The following RAB27B variants were observed in gnomAD, a reference collection of about 807,000 sequenced individuals.
RAB27B encodes RAB27B, member RAS oncogene family.
RAB27B carries 15 observed loss-of-function variants against 24.6 expected under a neutral mutation model. The observed-to-expected ratio is 0.61, with a 90% CI of 0.41 to 0.94. RAB27B has a LOEUF of 0.94. Ranked by LOEUF, RAB27B falls within the 40% of genes least tolerant of loss-of-function variation. The probability of loss-of-function intolerance (pLI) is 0.00; values close to 1 mark genes in which losing one functional copy is unlikely to be tolerated. For synonymous variants in RAB27B, 105 were observed against 92.5 expected (o/e 1.14, Z -0.78); for missense variants, 261 against 266.8 (o/e 0.98, Z 0.15).
intron 1 of RAB27B, among the ~76,000 whole-genome samples, chr18:54,846,684 T>C (rs1911352975): frequency 6.6e-6 from 1 of 152,230 alleles, no homozygotes; most frequent in Non-Finnish European, 1.5e-5. Context: ...ATCATAAGCT[T>C]TTCTTATAAG....
chr18:54,888,926 G>T (rs1913253076), intron 5 of RAB27B, among the ~76,000 whole-genome samples: 2 of 152,016 alleles, frequency 1.3e-5, no homozygotes, highest in East Asian at 1.9e-4. Context: ...TGATCAGAGG[G>T]TATTTTTCCC....
At chr18:54,747,514 G>A (rs1039657402) in intron 2 of RAB27B, among the ~76,000 whole-genome samples, 1 of 152,154 alleles carries the variant, frequency 6.6e-6, no homozygotes, top group African/African-American at 2.4e-5. Context: ...GGCTGATGAT[G>A]CTTAATGAAT....
chr18:54,732,040 T>C (rs1909747726), intron 2 of RAB27B, among the ~76,000 whole-genome samples: 1 of 152,210 alleles, frequency 6.6e-6, no homozygotes, highest in African/African-American at 2.4e-5. Flanking sequence ...TGGGAAGACA[T>C]ACTGAGTATT....
intron 2 of RAB27B, among the ~76,000 whole-genome samples, chr18:54,737,734 T>A (rs9956374): frequency 6.6e-6 from 1 of 152,148 alleles, no homozygotes; most frequent in Non-Finnish European, 1.5e-5. Context: ...TAAATGACTT[T>A]TTCTCTTAAA....
chr18:54,751,824 T>C (rs192942116), intron 2 of RAB27B, among the ~76,000 whole-genome samples: 1 of 152,086 alleles, frequency 6.6e-6, no homozygotes, highest in South Asian at 2.1e-4. Context: ...GGGAAAGCAG[T>C]TGAGGAGATG....
intron 1 of RAB27B, among the ~76,000 whole-genome samples, chr18:54,852,939 A>G (rs1404421371): frequency 6.6e-6 from 1 of 152,166 alleles, no homozygotes; most frequent in Non-Finnish European, 1.5e-5. Flanking sequence ...AAACCATTCT[A>G]GTTTCTGCAG....
chr18:54,820,018 A>G (rs1363821914), intron 2 of RAB27B, among the ~76,000 whole-genome samples: 1 of 152,060 alleles, frequency 6.6e-6, no homozygotes, highest in Non-Finnish European at 1.5e-5. Context: ...CCAGTCTATC[A>G]TTGTTGGACA....
chr18:54,841,304 A>T (rs951836280), intron 1 of RAB27B, among the ~76,000 whole-genome samples: 8 of 152,134 alleles, frequency 5.3e-5, no homozygotes, highest in African/African-American at 1.9e-4. Context: ...ATATGTACAG[A>T]CTTTTTGCTT....
intron 1 of RAB27B, among the ~76,000 whole-genome samples, chr18:54,866,293 G>GC (rs1415927233): frequency 1.4e-5 from 2 of 146,024 alleles, no homozygotes. Context: ...CCCCGCCCCT[G>GC]CCCCCCGCGC....
intron 2 of RAB27B, among the ~76,000 whole-genome samples, chr18:54,750,043 A>G (rs1907782306): frequency 6.6e-6 from 1 of 152,208 alleles, no homozygotes. Flanking sequence ...AATTTCAACA[A>G]TTCTGTACTT....
intron 1 of RAB27B, among the ~76,000 whole-genome samples, chr18:54,835,657 C>G (rs543523951): frequency 2.6e-5 from 4 of 152,000 alleles, no homozygotes; most frequent in Non-Finnish European, 5.9e-5. Flanking sequence ...AATAGGCCAT[C>G]ATGTTTGAAA....
At chr18:54,856,367 G>T (rs930876342) in intron 1 of RAB27B, among the ~76,000 whole-genome samples, 4 of 152,238 alleles carry the variant, frequency 2.6e-5, no homozygotes, top group African/African-American at 9.6e-5. Flanking sequence ...GAACTAGCCA[G>T]AGCCAGATCA....
At chr18:54,835,175 A>T (rs974139156) in intron 1 of RAB27B, among the ~76,000 whole-genome samples, 3 of 151,954 alleles carry the variant, frequency 2.0e-5, no homozygotes, top group African/African-American at 7.3e-5. Flanking sequence ...TAGATTTTTC[A>T]GAGGGAAAGA....
At chr18:54,733,656 C>CAA (rs1441455758) in intron 2 of RAB27B, among the ~76,000 whole-genome samples, 1 of 134,040 alleles carries the variant, frequency 7.5e-6, no homozygotes, top group Non-Finnish European at 1.7e-5. Context: ...TAGAGCCCCC[C>CAA]CCCCCCAAAT....
chr18:54,813,581 C>T (rs1057035411), intron 2 of RAB27B, among the ~76,000 whole-genome samples: 1 of 152,190 alleles, frequency 6.6e-6, no homozygotes, highest in African/African-American at 2.4e-5. Context: ...GGCTCCTGCT[C>T]TGCCTTCTGC....
At chr18:54,728,904 AAAAAAAAAAAAAAAAAAAAC>A (rs1468934017) in intron 2 of RAB27B, among the ~76,000 whole-genome samples, 1 of 7,730 alleles carries the variant, frequency 1.3e-4, no homozygotes, top group African/African-American at 2.9e-4. Context: ...AAAAAAACCC[AAAAAAAAAAAAAAAAAAAAC>A]CACCACCAAA....
intron 2 of RAB27B, among the ~76,000 whole-genome samples, chr18:54,729,006 C>T (rs1046844537): frequency 2.4e-5 from 3 of 123,530 alleles, no homozygotes; most frequent in African/African-American, 9.4e-5. Context: ...GAGTATACAA[C>T]ATGGGCTATT....
chr18:54,812,533 G>A (rs8089801), intron 2 of RAB27B, among the ~76,000 whole-genome samples: 34,447 of 146,742 alleles, frequency 0.23, 4,213 homozygotes, highest in East Asian at 0.42. Context: ...AAAGAAGTCT[G>A]ACCATGGAAC....
Position 54,893,722 on chromosome 18 carries a change from A to C in RAB27B, c.*4309A>C, listed in dbSNP as rs1222088800. ...GGTTGGATATATAGAGAATTTTATA[A>C]ATGTATTGCCTTAGAATTTCTGGGT... is the stretch of plus-strand genomic sequence containing the variant. On this transcript the variant is annotated 3_prime_UTR_variant, in exon 6 of 6. Transcript: ENST00000262094. The C allele has an allele frequency of 6.6e-6, 1 of 151,986 alleles. No homozygotes were observed. The highest frequency in any genetic ancestry group is 2.4e-5 in the African/African-American group (1 of 41,420). The allele number at this position is 151,986 out of a possible 1,614,324, so 9.4% of individuals were successfully genotyped here.
Sources: gnomAD v4.1 joint callset for allele counts (sites outside exome capture counted in the v4.1 genomes callset) on GRCh38, gnomAD v4.1.1 for gene constraint, MANE v1.5 for transcripts, NCBI Gene and HGNC (gene_info 2026-07-23, HGNC 2026-07-21) for gene names.